APC2: variants seen among roughly 807,000 people sequenced by gnomAD.
The protein encoded by APC2 is adenomatous polyposis coli protein 2.
Under a neutral mutation model 72.5 loss-of-function variants are expected in APC2, and 41 were observed. That is an observed-to-expected ratio of 0.57 (90% CI 0.44 to 0.73). The LOEUF (loss-of-function observed/expected upper bound fraction) is 0.73. Ranked by LOEUF, APC2 falls within the 30% of genes least tolerant of loss-of-function variation. APC2 has a pLI of 0.00. For synonymous variants in APC2, 1,898 were observed against 1,612.0 expected, an observed-to-expected ratio of 1.18 and a Z score of -4.25; for missense variants, 3,729 against 3,403.4, an observed-to-expected ratio of 1.10 and a Z score of -2.38.
At chr19:1,462,395 C>A (rs1347500821) in intron 14 of APC2, among the ~76,000 whole-genome samples, 1 of 152,170 alleles carries the variant, frequency 6.6e-6, no homozygotes, top group Non-Finnish European at 1.5e-5. Flanking sequence ...GTGGCTCATG[C>A]CTGTAATCCC....
chr19:1,457,003 GGCACCGAGGCCGCGGCCGGGGGTC>G lies in APC2; in HGVS notation c.970_993del (p.Thr324_Arg331del). The stretch of plus-strand genomic sequence containing the variant: ...GCCTCTGCTGCTGCAAATCCTCCAC[GGCACCGAGGCCGCGGCCGGGGGTC>G]GCGCCGGGGCCCCAGGGGCACCGGG... On this transcript the variant is annotated inframe_deletion, in exon 9 of 15. Coordinates refer to ENST00000590469, the MANE Select transcript of APC2 (RefSeq NM_005883.3). 1 of 1,530,342 alleles carries G rather than the reference GGCACCGAGGCCGCGGCCGGGGGTC, an allele frequency of 6.5e-7. No homozygotes were observed. Among genetic ancestry groups the G allele is most frequent in the Non-Finnish European group, 8.7e-7 (1 of 1,144,726 alleles). 94.8% of individuals were successfully genotyped at this position (1,530,342 alleles called of 1,614,324 possible). A position where few individuals can be genotyped will look rare whatever the true frequency, so the allele number is the denominator to read the frequency against.
chr19:1,448,843 CAAA>C (rs57277236), upstream of APC2, among the ~76,000 whole-genome samples: 1 of 115,240 alleles, frequency 8.7e-6, no homozygotes, highest in Admixed American at 8.6e-5. Flanking sequence ...GACTCCGTCT[CAAA>C]AAAAAAAAAA....
At chr19:1,460,365 T>C (rs2083903518) in intron 11 of APC2, 45 bp downstream of exon 11, 1 of 1,610,682 alleles carries the variant, frequency 6.2e-7, no homozygotes, top group African/African-American at 1.3e-5. Context: ...TCATCCAGTC[T>C]TCCAGGGACT....
In APC2 at chr19:1,469,308, G is replaced by A. The variant is rs1288757495; in HGVS notation, c.6007G>A (p.Gly2003Ser). 1.4e-6 allele frequency: 2 copies of A among 1,415,732 alleles called. No homozygotes were observed. The highest frequency in any genetic ancestry group is 1.8e-6 in the Non-Finnish European group (2 of 1,081,634). The allele number at this position is 1,415,732 out of a possible 1,614,324, so 87.7% of individuals were successfully genotyped here. The stretch of plus-strand genomic sequence containing the variant: ...GCTAACCTTCATCAAGGAGTCGCCG[G>A]GCTTGCGGCGCCGCCGCTCCGAGCT... ...RQLTFIKESPGLRRRRSELSS... is the reference protein window; with the variant it reads ...RQLTFIKESPSLRRRRSELSS... Residue 2003 changes from glycine (G) to serine (S), a missense_variant, in exon 15 of 15, where the codon GGC becomes AGC. By Grantham distance (56) the Gly-to-Ser change is moderately conservative. Transcript: ENST00000590469.
intron 8 of APC2, 51 bp from the exon 9 acceptor site, chr19:1,456,802 G>C (rs1461010732): frequency 1.3e-6 from 2 of 1,556,214 alleles, no homozygotes; most frequent in South Asian, 2.4e-5. Context: ...GGGTTTCCAG[G>C]TGTGCGGGGG....
Position 1,457,972 on chromosome 19 carries a change from C to T in APC2, c.1215C>T (p.Ile405=). 1.3e-6 allele frequency: 2 copies of T among 1,557,034 alleles called. No individual in the cohort carries two copies. Among genetic ancestry groups the T allele is most frequent in the South Asian group, 1.2e-5 (1 of 84,506 alleles). The change falls in exon 10 of 15, where the codon ATC becomes ATT. Residue 405 remains isoleucine, a synonymous_variant. Coordinates refer to ENST00000590469, the MANE Select transcript of APC2 (RefSeq NM_005883.3). Reference sequence around the variant, plus strand: ...TGGTCCCTGTGCCCACAGCCCCGATCCCCATCGAGCCGCAGATCTGCCAGG... The same window carrying T: ...TGGTCCCTGTGCCCACAGCCCCGATTCCCATCGAGCCGCAGATCTGCCAGG... ...PEGGGAGSAP[I]PIEPQICQAT... is the part of the protein sequence containing the mutation.
At chr19:1,455,354 C>T (rs756874379) in intron 5 of APC2, 30 bp from the exon 6 acceptor site, 4 of 1,601,826 alleles carry the variant, frequency 2.5e-6, no homozygotes, top group Non-Finnish European at 3.4e-6. Context: ...GGGCGCCCCT[C>T]ACCGTGGCCC....
rs750189634 is a variant in APC2 at position 1,470,054 on chromosome 19, C to T, written c.6753C>T (p.Val2251=). The T allele has an allele frequency of 3.2e-6, 5 of 1,581,362 alleles. No homozygotes were observed. The highest frequency in any genetic ancestry group is 1.7e-5 in the Admixed American group (1 of 58,014). ...CCTTCGTGCACGAGGGCCTGGGGGTCGCCGTGGGGGGCTTCCCCGCCAGCC... is the reference window on the plus strand; with the variant it reads ...CCTTCGTGCACGAGGGCCTGGGGGTTGCCGTGGGGGGCTTCCCCGCCAGCC... ...SAPFVHEGLG[V]AVGGFPASRH... is the part of the protein sequence containing the mutation. Residue 2251 remains valine, a synonymous_variant, in exon 15 of 15, where the codon GTC becomes GTT. Transcript: ENST00000590469.
At chr19:1,456,258 A>G in intron 7 of APC2, 48 bp from the exon 8 acceptor site, 10 of 1,572,684 alleles carry the variant, frequency 6.4e-6, no homozygotes, top group East Asian at 2.3e-5. Context: ...GGGTGAGCAG[A>G]CTGGGTGCTC....
intron 2 of APC2, 41 bp downstream of exon 2, chr19:1,453,183 T>C: frequency 6.3e-7 from 1 of 1,575,598 alleles, no homozygotes; most frequent in Non-Finnish European, 8.6e-7. Context: ...GGTCCCGGGG[T>C]GGTGCCCCCC....
chr19:1,465,080 C>T (rs2083984442), intron 14 of APC2, 75 bp from the exon 15 acceptor site: 1 of 1,513,490 alleles, frequency 6.6e-7, no homozygotes. Context: ...TTACCTGCCA[C>T]ATCTGGCCCC....
chr19:1,453,036 T>G lies in APC2; in HGVS notation c.35T>G (p.Val12Gly), dbSNP rs1169148323. Residue 12 changes from valine to glycine, a missense_variant, in exon 2 of 15, where the codon GTG becomes GGG. Coordinates refer to ENST00000590469, the MANE Select transcript of APC2 (RefSeq NM_005883.3). ...TCCGTGGCGCCCTACGAGCAGCTGG[T>G]GAGGCAGGTGGAGGCCTTGAAGGCT... ...ASSVAPYEQL[V>G]RQVEALKAEN... 6.2e-7 allele frequency: 1 copy of G among 1,611,040 alleles called. No homozygotes were observed. The highest frequency in any genetic ancestry group is 1.1e-5 in the South Asian group (1 of 90,878).
At chr19:1,453,199 C>A in intron 2 of APC2, 48 bp from the exon 3 acceptor site, 1 of 1,565,018 alleles carries the variant, frequency 6.4e-7, no homozygotes. Context: ...CCCCCGGCAG[C>A]CCAGTGCAGT....
Position 1,469,653 on chromosome 19 carries a change from G to A in APC2, c.6352G>A (p.Ala2118Thr). The part of the protein sequence containing the change: ...ARRPDGAVPA[A>T]PASADAARRS... ...CAGGCCCGACGGCGCCGTCCCCGCG[G>A]CCCCTGCCTCAGCCGACGCCGCGCG... Residue 2118 changes from alanine to threonine, a missense_variant, in exon 15 of 15, where the codon GCC becomes ACC. By Grantham distance (58) the Ala-to-Thr change is moderately conservative. Transcript: ENST00000590469. 1.6e-6 allele frequency: 2 copies of A among 1,252,048 alleles called. No homozygotes were observed. The highest frequency in any genetic ancestry group is 2.0e-6 in the Non-Finnish European group (2 of 1,001,986). The allele number at this position is 1,252,048 out of a possible 1,614,324, so 77.6% of individuals were successfully genotyped here.
chr19:1,470,015 T>A lies in APC2; in HGVS notation c.6714T>A (p.Ala2238=). 1 of 1,550,230 alleles carries A rather than the reference T, an allele frequency of 6.5e-7. No homozygotes were observed. Among genetic ancestry groups the A allele is most frequent in the Non-Finnish European group, 8.7e-7 (1 of 1,153,778 alleles). Residue 2238 remains alanine, a synonymous_variant, in exon 15 of 15, where the codon GCT becomes GCA. Transcript: ENST00000590469. ...TGGACGGTCCCAGCCTCGCCAAGGC[T>A]CCCATCTCCGCACCCTTCGTGCACG... The part of the protein sequence containing the change: ...SDVDGPSLAK[A]PISAPFVHEG...
In APC2 at chr19:1,465,356, G is replaced by A. The variant is rs773979313; in HGVS notation, c.2055G>A (p.Met685Ile). Residue 685 changes from methionine to isoleucine, a missense_variant, in exon 15 of 15, where the codon ATG becomes ATA. Coordinates refer to ENST00000590469, the MANE Select transcript of APC2 (RefSeq NM_005883.3). ...ACTCCAAGCACAAGATGATCGCCAT[G>A]GGCAGCGCCGCCGCCCTGCGCAACC... ...LVHSKHKMIA[M>I]GSAAALRNLL... 6.3e-7 allele frequency: 1 copy of A among 1,585,816 alleles called. No homozygotes were observed. The highest frequency in any genetic ancestry group is 8.5e-7 in the Non-Finnish European group (1 of 1,173,522).
chr19:1,466,827 A>G lies in APC2; in HGVS notation c.3526A>G (p.Ile1176Val), dbSNP rs1225299919. 1 of 1,555,818 alleles carries G rather than the reference A, an allele frequency of 6.4e-7. No individual in the cohort carries two copies. Among genetic ancestry groups the G allele is most frequent in the South Asian group, 1.2e-5 (1 of 84,806 alleles). The change falls in exon 15 of 15, where the codon ATC (isoleucine) becomes GTC (valine). Residue 1176 changes from isoleucine (I) to valine (V), a missense_variant. Physicochemically the swap from Ile to Val is conservative, Grantham distance 29. Coordinates refer to ENST00000590469, the MANE Select transcript of APC2 (RefSeq NM_005883.3). ...GCTGGGCAGCTTCGAGAGCCCGTCCATCGCCAGCTCCATCCCCAGTGAACC... is the reference window on the plus strand; with the variant it reads ...GCTGGGCAGCTTCGAGAGCCCGTCCGTCGCCAGCTCCATCCCCAGTGAACC... Reference protein sequence around the residue: ...SSLGSFESPSIASSIPSEPCS... With the variant: ...SSLGSFESPSVASSIPSEPCS...
chr19:1,463,416 C>CA (rs77093731), intron 14 of APC2, among the ~76,000 whole-genome samples: 10,678 of 98,420 alleles, frequency 0.11, 536 homozygotes, highest in Middle Eastern at 0.19. Context: ...GACTCTGTCT[C>CA]AAAAAAAAAA....
At chr19:1,462,766 C>T (rs1198180144) in intron 14 of APC2, among the ~76,000 whole-genome samples, 12 of 142,518 alleles carry the variant, frequency 8.4e-5, no homozygotes, top group Admixed American at 2.8e-4. Flanking sequence ...GTCAGGAGAT[C>T]GAGACCATCC....
Sources: gnomAD v4.1 joint callset for allele counts (sites outside exome capture counted in the v4.1 genomes callset) on GRCh38, gnomAD v4.1.1 for gene constraint, MANE v1.5 for transcripts, NCBI Gene and HGNC (gene_info 2026-07-23, HGNC 2026-07-21) for gene names.